Variants in RGS10 observed in about 807,000 individuals in gnomAD.
The protein encoded by RGS10 is regulator of G protein signaling 10.
A neutral mutation model predicts 23.5 loss-of-function variants in RGS10; 11 were observed. That is an observed-to-expected ratio of 0.47 (90% confidence interval 0.29 to 0.77). RGS10 has a LOEUF of 0.77. Among genes scored for constraint, RGS10 ranks in the 30% least tolerant of loss-of-function variants. The pLI is 0.08. For missense variants in RGS10, 180 were observed against 226.3 expected, an observed-to-expected ratio of 0.80 and a Z score of 1.31; for synonymous variants, 77 against 83.2, an observed-to-expected ratio of 0.92 and a Z score of 0.41.
At chr10:119,502,550 A>C (rs1843964247) in intron 4 of RGS10, among the ~76,000 whole-genome samples, 1 of 151,984 alleles carries the variant, frequency 6.6e-6, no homozygotes, top group South Asian at 2.1e-4. Flanking sequence ...TCAGACTTCA[A>C]AGTAGAGAAG....
intron 3 of RGS10, among the ~76,000 whole-genome samples, chr10:119,522,702 G>A (rs1368135469): frequency 2.1e-5 from 3 of 140,496 alleles, no homozygotes; most frequent in Non-Finnish European, 4.6e-5. Context: ...TGGGCGAGAA[G>A]AGCGAAACTC....
Position 119,527,260 on chromosome 10 carries a change from T to A in RGS10, c.168+46A>T, listed in dbSNP as rs749262423. On this transcript the variant is annotated intron_variant, in intron 2 of 4. Coordinates refer to ENST00000369103, the MANE Select transcript of RGS10 (RefSeq NM_001005339.2). This position sits in a 1 kb window ranked among gnomAD's most constrained non-coding sequence, Gnocchi z 4.2. ...TTTCTCCCCTGTGTGCATCTGAACT[T>A]CTGCACACACTGCATCCATCCCGAT... The A allele has an allele frequency of 5.7e-6, 8 of 1,405,754 alleles. No individual in the cohort carries two copies. Among genetic ancestry groups the A allele is most frequent in the Non-Finnish European group, 8.0e-6 (8 of 995,646 alleles). The allele number at this position is 1,405,754 out of a possible 1,614,324, so 87.1% of individuals were successfully genotyped here. A position where few individuals can be genotyped will look rare whatever the true frequency, so the allele number is the denominator to read the frequency against.
chr10:119,542,538 C>A, intron 1 of RGS10, 52 bp downstream of exon 1: 1 of 1,354,548 alleles, frequency 7.4e-7, no homozygotes, highest in Non-Finnish European at 9.5e-7. Flanking sequence ...GGAGGCCGGG[C>A]GGGCGAAACG....
intron 4 of RGS10, among the ~76,000 whole-genome samples, chr10:119,514,412 C>T (rs1001558378): frequency 2.6e-5 from 4 of 151,846 alleles, no homozygotes; most frequent in Non-Finnish European, 4.4e-5. Context: ...AATCACAGTA[C>T]TTTGGGAGGC....
At chr10:119,505,346 T>G (rs1315166538) in intron 4 of RGS10, among the ~76,000 whole-genome samples, 2 of 135,162 alleles carry the variant, frequency 1.5e-5, no homozygotes, top group East Asian at 5.0e-4. Flanking sequence ...TTTTTTTTTT[T>G]TGGCCAAGAC....
intron 4 of RGS10, among the ~76,000 whole-genome samples, chr10:119,502,614 A>T (rs1264687343): frequency 6.6e-6 from 1 of 152,066 alleles, no homozygotes; most frequent in Non-Finnish European, 1.5e-5. Context: ...GGAGGGAAGG[A>T]GGCTGCTTCG....
chr10:119,536,785 G>A (rs1438409153), intron 1 of RGS10, among the ~76,000 whole-genome samples: 1 of 152,042 alleles, frequency 6.6e-6, no homozygotes, highest in Non-Finnish European at 1.5e-5. Flanking sequence ...CCCTGTCATC[G>A]ATTTTCTCCA....
At chr10:119,522,732 A>G (rs986525633) in intron 3 of RGS10, among the ~76,000 whole-genome samples, 3 of 150,478 alleles carry the variant, frequency 2.0e-5, no homozygotes, top group Admixed American at 6.6e-5. Context: ...AAAAAAAAAA[A>G]AAACAAAGAC....
chr10:119,526,276 T>C lies in RGS10; in HGVS notation c.169-158A>G, dbSNP rs111707366. 7.1e-3 allele frequency among the ~76,000 whole-genome samples: 1,088 copies of C among 152,344 alleles called. 7 individuals carry two copies. The highest frequency in any genetic ancestry group is 0.024 in the Middle Eastern group (7 of 294). On this transcript the variant is annotated intron_variant, in intron 2 of 4. Transcript: ENST00000369103. ...CCACTCTGAAAAACAAATGAGTATG[T>C]TTAATGTTAAAGCTATAATTTCATA...
rs569161123 is a variant in RGS10 at position 119,514,863 on chromosome 10, C to T, written c.399+646G>A. On this transcript the variant is annotated intron_variant, in intron 4 of 4. Transcript: ENST00000369103. The stretch of plus-strand genomic sequence containing the variant: ...CATATGGCTACAGTCACAAAAACTG[C>T]CTTTTCACCATACATTCCACTCCCT... Among the ~76,000 whole-genome samples, 7 of 152,186 alleles carry T rather than the reference C, an allele frequency of 4.6e-5. No homozygotes were observed. In the South Asian group the frequency reaches 1.4e-3, roughly 31 times the overall value.
At chr10:119,504,678 G>A (rs533465881) in intron 4 of RGS10, among the ~76,000 whole-genome samples, 3 of 152,158 alleles carry the variant, frequency 2.0e-5, no homozygotes, top group African/African-American at 7.2e-5. Context: ...TCCAGGGACT[G>A]GGTGTCCTTA....
intron 4 of RGS10, among the ~76,000 whole-genome samples, chr10:119,501,246 G>A (rs190230700): frequency 5.2e-4 from 79 of 151,780 alleles, no homozygotes; most frequent in South Asian, 8.3e-4. Context: ...CACTTAACTC[G>A]CAGTACACTC....
chr10:119,527,482 T>C lies in RGS10; in HGVS notation c.50-58A>G, dbSNP rs748065397. On this transcript the variant is annotated intron_variant, in intron 1 of 4. Transcript: ENST00000369103. This position sits in a 1 kb window ranked among gnomAD's most constrained non-coding sequence, Gnocchi z 4.2. ...CAACAGACACTGTCATTTTAAGAAA[T>C]CTGCATGCAATGGTCAGCACTGCCG... 2.2e-6 allele frequency: 3 copies of C among 1,338,006 alleles called. No homozygotes were observed. The highest frequency in any genetic ancestry group is 2.3e-5 in the East Asian group (1 of 43,450). The allele number at this position is 1,338,006 out of a possible 1,614,324, so 82.9% of individuals were successfully genotyped here. A position where few individuals can be genotyped will look rare whatever the true frequency, so the allele number is the denominator to read the frequency against.
chr10:119,512,051 C>T (rs2054427628), intron 4 of RGS10, among the ~76,000 whole-genome samples: 1 of 152,190 alleles, frequency 6.6e-6, no homozygotes, highest in African/African-American at 2.4e-5. Context: ...GGAAGATTTT[C>T]CCGTTCTTCT....
At chr10:119,511,677 C>A (rs570664897) in intron 4 of RGS10, among the ~76,000 whole-genome samples, 3 of 152,084 alleles carry the variant, frequency 2.0e-5, no homozygotes, top group Non-Finnish European at 4.4e-5. Context: ...TCACATAATA[C>A]GCCGACCTCA....
chr10:119,525,688 G>A (rs905261706), intron 3 of RGS10, among the ~76,000 whole-genome samples: 6 of 152,108 alleles, frequency 3.9e-5, no homozygotes, highest in African/African-American at 9.7e-5. Context: ...ACACATCTGC[G>A]TATCGTTTTA....
Position 119,512,555 on chromosome 10 carries a change from T to A in RGS10, c.399+2954A>T, listed in dbSNP as rs7084054. ...TTTCTCTCTATGCAATTAAAAAAAA[T>A]TTTTTTTTTTGAGGTGGAGTCTCAC... is the stretch of plus-strand genomic sequence containing the variant. On this transcript the variant is annotated intron_variant, in intron 4 of 4. Transcript: ENST00000369103. Among the ~76,000 whole-genome samples the A allele has an allele frequency of 4.9e-3, 250 of 50,954 alleles. 1 individual carries two copies. Among genetic ancestry groups the A allele is most frequent in the African/African-American group, 9.7e-3 (135 of 13,862 alleles). 33.4% of individuals were successfully genotyped at this position (50,954 alleles called of 152,430 possible). A position where few individuals can be genotyped will look rare whatever the true frequency, so the allele number is the denominator to read the frequency against.
intron 4 of RGS10, among the ~76,000 whole-genome samples, chr10:119,512,089 GA>G (rs1410515721): frequency 6.6e-6 from 1 of 152,126 alleles, no homozygotes; most frequent in Non-Finnish European, 1.5e-5. Flanking sequence ...TACAAAGTCA[GA>G]GCTGCCCTAC....
chr10:119,500,990 T>C (rs1269213114), intron 4 of RGS10, among the ~76,000 whole-genome samples: 2 of 152,008 alleles, frequency 1.3e-5, no homozygotes, highest in Non-Finnish European at 2.9e-5. Context: ...CCCGCCGGCA[T>C]GGCAGGTGCT....
Sources: allele counts gnomAD v4.1 joint callset (sites outside exome capture counted in the v4.1 genomes callset), GRCh38; gene constraint gnomAD v4.1.1; non-coding constraint Gnocchi (gnomAD v3.1); transcripts MANE v1.5; gene names NCBI Gene and HGNC (gene_info 2026-07-23, HGNC 2026-07-21).